FER: variants seen among roughly 807,000 people sequenced by gnomAD.
FER encodes the protein FER tyrosine kinase, also known as tyrosine-protein kinase Fer.
A neutral mutation model predicts 111.0 loss-of-function variants in FER; 63 were observed. The ratio of observed to expected loss-of-function variants is 0.57; its 90% CI spans 0.46 to 0.70. The LOEUF is 0.70. Ranked by LOEUF, FER falls within the 30% of genes least tolerant of loss-of-function variation. The probability of loss-of-function intolerance (pLI) is 0.00; values close to 1 mark genes in which losing one functional copy is unlikely to be tolerated. For synonymous variants in FER, 327 were observed against 313.9 expected, an observed-to-expected ratio of 1.04 and a Z score of -0.44; for missense variants, 914 against 954.0, an observed-to-expected ratio of 0.96 and a Z score of 0.55.
At chr5:108,762,712 C>T (rs1177408401) in intron 1 of FER, among the ~76,000 whole-genome samples, 2 of 152,130 alleles carry the variant, frequency 1.3e-5, no homozygotes, top group Non-Finnish European at 2.9e-5. Context: ...CTCCCTCATG[C>T]GGGATTTTTT....
At chr5:108,987,266 C>T (rs977883161) in intron 13 of FER, among the ~76,000 whole-genome samples, 7 of 151,898 alleles carry the variant, frequency 4.6e-5, no homozygotes, top group Admixed American at 2.0e-4. Context: ...GCCAACATGG[C>T]GAAACCCCAT....
chr5:108,869,997 C>G (rs889727467), intron 6 of FER, among the ~76,000 whole-genome samples: 4 of 152,036 alleles, frequency 2.6e-5, no homozygotes, highest in Non-Finnish European at 2.9e-5. Context: ...CATAGATTTA[C>G]TTATCTCTAA....
At chr5:108,796,332 C>T (rs972319913) in intron 2 of FER, among the ~76,000 whole-genome samples, 4 of 152,174 alleles carry the variant, frequency 2.6e-5, no homozygotes, top group Admixed American at 1.3e-4. Context: ...CTAAAGCCAG[C>T]GCAGCACTGG....
At chr5:108,801,351 A>C (rs1177351465) in intron 3 of FER, among the ~76,000 whole-genome samples, 1 of 152,138 alleles carries the variant, frequency 6.6e-6, no homozygotes, top group Non-Finnish European at 1.5e-5. Context: ...TGTTCCATTC[A>C]TATTTTTGTC....
chr5:108,790,262 C>T (rs1034077164), intron 2 of FER, among the ~76,000 whole-genome samples: 1 of 151,714 alleles, frequency 6.6e-6, no homozygotes, highest in African/African-American at 2.4e-5. Context: ...CACACACACA[C>T]ACACACACAC....
chr5:109,002,986 G>A, intron 13 of FER, among the ~76,000 whole-genome samples: 1 of 152,178 alleles, frequency 6.6e-6, no homozygotes, highest in Non-Finnish European at 1.5e-5. Context: ...AGAGGATGTG[G>A]AGAAATAGGA....
At chr5:108,867,319 A>G (rs149521833) in intron 5 of FER, among the ~76,000 whole-genome samples, 12 of 152,226 alleles carry the variant, frequency 7.9e-5, no homozygotes, top group African/African-American at 2.9e-4. Flanking sequence ...GATATGTCCC[A>G]TATTTTAAGG....
chr5:108,884,995 C>T (rs905754643), intron 9 of FER, among the ~76,000 whole-genome samples: 1 of 152,086 alleles, frequency 6.6e-6, no homozygotes, highest in South Asian at 2.1e-4. Flanking sequence ...TTAATCCTCT[C>T]TTTCTGGCCA....
intron 2 of FER, among the ~76,000 whole-genome samples, chr5:108,780,611 T>G (rs145391474): frequency 1.6e-3 from 251 of 152,138 alleles, no homozygotes; most frequent in Non-Finnish European, 2.5e-3. Context: ...TTGTTGGTTG[T>G]TTGTTTTTTA....
At chr5:109,041,461 A>C (rs1440306437) in intron 14 of FER, among the ~76,000 whole-genome samples, 3 of 152,176 alleles carry the variant, frequency 2.0e-5, no homozygotes, top group Admixed American at 2.0e-4. Flanking sequence ...AGTATTCAAA[A>C]AAAAAAAGAG....
chr5:109,024,687 G>C (rs534291721), intron 13 of FER, among the ~76,000 whole-genome samples: 5 of 152,092 alleles, frequency 3.3e-5, no homozygotes, highest in Non-Finnish European at 7.4e-5. Flanking sequence ...TATTGTCACT[G>C]GATAAGAAAC....
intron 16 of FER, among the ~76,000 whole-genome samples, chr5:109,065,306 A>C (rs1581872894): frequency 1.3e-5 from 2 of 152,224 alleles, no homozygotes; most frequent in East Asian, 3.8e-4. Context: ...ATCCAAGTTA[A>C]AAGTGAATAT....
chr5:108,843,569 C>G (rs550729995), intron 5 of FER, among the ~76,000 whole-genome samples: 1 of 146,794 alleles, frequency 6.8e-6, no homozygotes, highest in Non-Finnish European at 1.5e-5. Flanking sequence ...CTCGCTCTGT[C>G]GCCAGGCTGG....
intron 17 of FER, among the ~76,000 whole-genome samples, chr5:109,116,160 G>A (rs1750205468): frequency 6.6e-6 from 1 of 151,962 alleles, no homozygotes; most frequent in Non-Finnish European, 1.5e-5. Context: ...TGGCCACCTT[G>A]CTCTAATGGT....
intron 16 of FER, among the ~76,000 whole-genome samples, chr5:109,084,479 T>C (rs1254476538): frequency 6.7e-6 from 1 of 150,188 alleles, no homozygotes; most frequent in South Asian, 2.1e-4. Context: ...AATTCTGTTA[T>C]GTGGGGTTAT....
chr5:109,113,153 T>A (rs1476083538), intron 17 of FER, among the ~76,000 whole-genome samples: 1 of 152,158 alleles, frequency 6.6e-6, no homozygotes, highest in African/African-American at 2.4e-5. Flanking sequence ...AGAGTTCATC[T>A]TCCACAATTG....
chr5:108,756,424 C>T (rs562526329), intron 1 of FER, among the ~76,000 whole-genome samples: 4 of 151,812 alleles, frequency 2.6e-5, no homozygotes, highest in African/African-American at 7.2e-5. Context: ...CAGTCACTAT[C>T]GCATTTCCTG....
intron 10 of FER, among the ~76,000 whole-genome samples, chr5:108,921,621 A>C (rs1290468502): frequency 6.6e-6 from 1 of 152,196 alleles, no homozygotes; most frequent in Non-Finnish European, 1.5e-5. Context: ...CTGACCGATT[A>C]TTCTTAGAGT....
intron 13 of FER, among the ~76,000 whole-genome samples, chr5:108,965,728 C>G (rs944740093): frequency 6.6e-6 from 1 of 152,100 alleles, no homozygotes; most frequent in Non-Finnish European, 1.5e-5. Context: ...TGATTAATGT[C>G]AATAGCTTAA....
Sources: gnomAD v4.1 joint callset for allele counts (sites outside exome capture counted in the v4.1 genomes callset) on GRCh38, gnomAD v4.1.1 for gene constraint, MANE v1.5 for transcripts, NCBI Gene and HGNC (gene_info 2026-07-23, HGNC 2026-07-21) for gene names.